SLC28A2: variants seen among roughly 807,000 people sequenced by gnomAD.
The protein encoded by SLC28A2 is solute carrier family 28 member 2.
Under a neutral mutation model 72.9 loss-of-function variants are expected in SLC28A2, and 69 were observed. The ratio of observed to expected loss-of-function variants is 0.95; its 90% CI spans 0.78 to 1.16. SLC28A2 has a LOEUF of 1.16. SLC28A2 is among the 50% of genes most tolerant of loss of function. The pLI is 0.00. For synonymous variants in SLC28A2, 296 were observed against 294.1 expected (o/e 1.01, Z -0.07); for missense variants, 745 against 791.1 (o/e 0.94, Z 0.70).
In SLC28A2 at chr15:45,275,376, T is replaced by TC; in HGVS notation, c.1860-19dup. 9.1e-6 allele frequency: 13 copies of TC among 1,425,286 alleles called. No individual in the cohort carries two copies. Among genetic ancestry groups the TC allele is most frequent in the Non-Finnish European group, 1.3e-5 (13 of 1,008,888 alleles). The allele number at this position is 1,425,286 out of a possible 1,614,324, so 88.3% of individuals were successfully genotyped here. ...GTTCCTGTCTGACCCCTTATGTACC[T>TC]CTCTGGTTTTTCACTGCAGTACTTC... On this transcript the variant is annotated intron_variant, in intron 17 of 17. Transcript: ENST00000347644.
chr15:45,265,269 A>G (rs1448681448), intron 8 of SLC28A2, 103 bp downstream of exon 8: 2 of 837,528 alleles, frequency 2.4e-6, no homozygotes, highest in Non-Finnish European at 4.2e-6. Context: ...CCTGTATACC[A>G]ATTTGACCCT....
Position 45,266,179 on chromosome 15 carries a change from T to C in SLC28A2, c.942+18T>C. 4.4e-6 allele frequency: 7 copies of C among 1,581,184 alleles called. No homozygotes were observed. The highest frequency in any genetic ancestry group is 5.2e-6 in the Non-Finnish European group (6 of 1,149,984). ...TGGGTATGGTAAGCACCTTGAGGAC[T>C]TTTGGTCTTCTTCCCTCTGAGGAAC... On this transcript the variant is annotated intron_variant, in intron 10 of 17. Transcript: ENST00000347644.
intron 4 of SLC28A2, among the ~76,000 whole-genome samples, 193 bp from the exon 5 acceptor site, chr15:45,262,868 G>A (rs12913645): frequency 0.72 from 109,846 of 152,104 alleles, 40,929 homozygotes; most frequent in Middle Eastern, 0.79. Flanking sequence ...TGTCCTTGGG[G>A]ATCCTCAAGA....
rs777278270 is a variant in SLC28A2 at position 45,272,319 on chromosome 15, G to C, written c.1673G>C (p.Ser558Thr). 3.1e-6 allele frequency: 5 copies of C among 1,613,796 alleles called. No individual in the cohort carries two copies. In the Admixed American group the frequency reaches 6.7e-5, roughly 22 times the overall value. Reference protein sequence around the residue: ...GLTSIVPHRKSDLSKVVVRAL... With the variant: ...GLTSIVPHRKTDLSKVVVRAL... ...GCATCAATAGTACCTCACCGGAAGAGTGACTTGTCCAAGGTTGTGGTCAGG... is the reference window on the plus strand; with the variant it reads ...GCATCAATAGTACCTCACCGGAAGACTGACTTGTCCAAGGTTGTGGTCAGG... Residue 558 changes from serine to threonine, a missense_variant, in exon 16 of 18, where the codon AGT becomes ACT. Ser to Thr is a moderately conservative substitution (Grantham distance 58, BLOSUM62 1). Transcript: ENST00000347644.
Position 45,253,422 on chromosome 15 carries a change from G to A in SLC28A2, c.82-10G>A. 1.9e-6 allele frequency: 3 copies of A among 1,611,088 alleles called. No homozygotes were observed. The highest frequency in any genetic ancestry group is 2.5e-6 in the Non-Finnish European group (3 of 1,177,284). On this transcript the variant is annotated splice_polypyrimidine_tract_variant and intron_variant, in intron 2 of 17. Transcript: ENST00000347644. Reference sequence around the variant, plus strand: ...TCCATGACTGATCCCAATGCTCTCTGTGCTTGTAGGAAAAAGAAGTAGAGC... The same window carrying A: ...TCCATGACTGATCCCAATGCTCTCTATGCTTGTAGGAAAAAGAAGTAGAGC...
Position 45,265,082 on chromosome 15 carries a change from C to G in SLC28A2, c.703-7C>G. The stretch of plus-strand genomic sequence containing the variant: ...TATTCTCTGTCTTTTTCTTTTTTTC[C>G]CTTCAGATTTTCCTGAACTACACTG... On this transcript the variant is annotated splice_polypyrimidine_tract_variant and splice_region_variant and intron_variant, in intron 7 of 17. Transcript: ENST00000347644. 1 of 1,603,278 alleles carries G rather than the reference C, an allele frequency of 6.2e-7. No individual in the cohort carries two copies. Among genetic ancestry groups the G allele is most frequent in the East Asian group, 2.2e-5 (1 of 44,842 alleles).
intron 3 of SLC28A2, among the ~76,000 whole-genome samples, chr15:45,258,309 T>A (rs1158132013): frequency 6.6e-6 from 1 of 152,062 alleles, no homozygotes; most frequent in Non-Finnish European, 1.5e-5. Context: ...CATGCCATAG[T>A]TTAACTGGTA....
chr15:45,260,359 G>A (rs995181006), intron 3 of SLC28A2, among the ~76,000 whole-genome samples: 3 of 152,214 alleles, frequency 2.0e-5, no homozygotes, highest in African/African-American at 7.2e-5. Flanking sequence ...GGAGTGGAGA[G>A]TGGTGCTGGA....
At chr15:45,273,563 A>T (rs1004429034) in intron 17 of SLC28A2, among the ~76,000 whole-genome samples, 1 of 152,224 alleles carries the variant, frequency 6.6e-6, no homozygotes, top group Non-Finnish European at 1.5e-5. Context: ...TGTATGAAAT[A>T]CTAAAGAATT....
rs754522801 is a variant in SLC28A2 at position 45,268,332 on chromosome 15, T to G, written c.1322T>G (p.Leu441Arg). The change falls in exon 13 of 18, where the codon CTC becomes CGC. Residue 441 changes from leucine (L) to arginine (R), a missense_variant. By Grantham distance (102) the Leu-to-Arg change is moderately radical. Coordinates refer to ENST00000347644, the MANE Select transcript of SLC28A2 (RefSeq NM_004212.4). ...LAVLAFINAA[L>R]SWLGELVDIQ... is the part of the protein sequence containing the mutation. ...GTGTTGGCCTTCATCAATGCTGCCC[T>G]CTCCTGGCTGGGGGAATTGGTGGAC... is the stretch of plus-strand genomic sequence containing the variant. 1.2e-6 allele frequency: 2 copies of G among 1,606,730 alleles called. No individual in the cohort carries two copies. Among genetic ancestry groups the G allele is most frequent in the Non-Finnish European group, 1.7e-6 (2 of 1,174,020 alleles).
At chr15:45,268,909 T>C (rs897547091) in intron 13 of SLC28A2, among the ~76,000 whole-genome samples, 8 of 150,770 alleles carry the variant, frequency 5.3e-5, no homozygotes, top group African/African-American at 1.2e-4. Context: ...CAGTAAACTA[T>C]TGCAAGGACA....
chr15:45,267,875 T>C, intron 12 of SLC28A2, 79 bp downstream of exon 12: 1 of 1,505,626 alleles, frequency 6.6e-7, no homozygotes, highest in Non-Finnish European at 9.2e-7. Context: ...AGACTTCAAG[T>C]CTCCCTGAGG....
chr15:45,259,485 TTA>T (rs1309226841), intron 3 of SLC28A2, among the ~76,000 whole-genome samples: 1 of 152,142 alleles, frequency 6.6e-6, no homozygotes, highest in Non-Finnish European at 1.5e-5. Flanking sequence ...TTTGTCAATT[TTA>T]AAAAGAAGTA....
chr15:45,262,093 C>T lies in SLC28A2; in HGVS notation c.249C>T (p.Gly83=). The T allele has an allele frequency of 3.1e-6, 5 of 1,609,790 alleles. No individual in the cohort carries two copies. Among genetic ancestry groups the T allele is most frequent in the Non-Finnish European group, 4.3e-6 (5 of 1,176,214 alleles). The stretch of plus-strand genomic sequence containing the variant: ...GCTTGTTCAAGAAGATCCTGTTGGG[C>T]CTGTTGTGTTTGGGTGAGATATTGA... ...HASLFKKILL[G]LLCLAYAAYL... The change falls in exon 4 of 18, where the codon GGC becomes GGT. Residue 83 remains glycine (G), a synonymous_variant. Transcript: ENST00000347644.
Position 45,269,405 on chromosome 15 carries a change from TG to T in SLC28A2, c.1438del (p.Val480TrpfsTer11). The T allele has an allele frequency of 6.2e-6, 10 of 1,614,112 alleles. No individual in the cohort carries two copies. Among genetic ancestry groups the T allele is most frequent in the Non-Finnish European group, 8.5e-6 (10 of 1,179,972 alleles). ...MMGVEWTDCP[M>X]VAEMVGIKFF... Reference sequence around the variant, plus strand: ...GGTGTAGAGTGGACAGACTGTCCAATGGTGGCTGAGATGGTGGGAATCAAGT... The same window carrying T: ...GGTGTAGAGTGGACAGACTGTCCAATGTGGCTGAGATGGTGGGAATCAAGT... On this transcript the variant is annotated frameshift_variant, in exon 14 of 18. Coordinates refer to ENST00000347644, the MANE Select transcript of SLC28A2 (RefSeq NM_004212.4). LOFTEE classifies it high-confidence loss of function.
At chr15:45,258,615 T>C (rs1271248555) in intron 3 of SLC28A2, among the ~76,000 whole-genome samples, 1 of 152,218 alleles carries the variant, frequency 6.6e-6, no homozygotes, top group Admixed American at 6.5e-5. Flanking sequence ...TATATATACT[T>C]TTGCTTCTTT....
chr15:45,254,858 G>C (rs963900073), intron 3 of SLC28A2, among the ~76,000 whole-genome samples: 1 of 152,008 alleles, frequency 6.6e-6, no homozygotes, highest in Non-Finnish European at 1.5e-5. Context: ...AGTTTTTCAT[G>C]CTTACATGAT....
rs984720953 is a variant in SLC28A2, at chr15:45,276,923, G to C, written c.*1410G>C. 1 of 152,054 alleles carries C rather than the reference G, an allele frequency of 6.6e-6. No homozygotes were observed. Among genetic ancestry groups the C allele is most frequent in the Non-Finnish European group, 1.5e-5 (1 of 68,000 alleles). The allele number at this position is 152,054 out of a possible 1,614,324, so 9.4% of individuals were successfully genotyped here. A position where few individuals can be genotyped will look rare whatever the true frequency, so the allele number is the denominator to read the frequency against. On this transcript the variant is annotated 3_prime_UTR_variant, in exon 18 of 18. Coordinates refer to ENST00000347644, the MANE Select transcript of SLC28A2 (RefSeq NM_004212.4). Reference sequence around the variant, plus strand: ...CTTTGTTGTAGTATTCTGCTTTAGTGCTAGCCACATTTGCTCCAAGTTTAT... The same window carrying C: ...CTTTGTTGTAGTATTCTGCTTTAGTCCTAGCCACATTTGCTCCAAGTTTAT...
chr15:45,259,371 A>G (rs557388073), intron 3 of SLC28A2, among the ~76,000 whole-genome samples: 3 of 152,160 alleles, frequency 2.0e-5, no homozygotes, highest in Non-Finnish European at 4.4e-5. Context: ...GGGTCTCACA[A>G]TATTGCCCAT....
Sources: gnomAD v4.1 joint callset for allele counts (sites outside exome capture counted in the v4.1 genomes callset) on GRCh38, gnomAD v4.1.1 for gene constraint, MANE v1.5 for transcripts, NCBI Gene and HGNC (gene_info 2026-07-23, HGNC 2026-07-21) for gene names.